Variants in ARMC3 observed in about 807,000 individuals in gnomAD.
ARMC3 encodes armadillo repeat-containing protein 3.
In ARMC3, 74 loss-of-function variants were observed where a neutral mutation model predicts 90.3. That is an observed-to-expected ratio of 0.82 (90% CI 0.68 to 0.99). ARMC3 has a LOEUF of 0.99. Among genes scored for constraint, ARMC3 ranks in the 50% least tolerant of loss-of-function variants. ARMC3 has a pLI of 0.00. For synonymous variants in ARMC3, 334 were observed against 361.8 expected (o/e 0.92, Z 0.87); for missense variants, 958 against 1,042.8 (o/e 0.92, Z 1.12).
At chr10:22,948,007 GT>G (rs1008883379) in intron 3 of ARMC3, among the ~76,000 whole-genome samples, 6 of 151,844 alleles carry the variant, frequency 4.0e-5, no homozygotes, top group African/African-American at 7.2e-5. Context: ...AACTAAACTG[GT>G]TTTTTTTAAT....
chr10:23,000,636 T>A (rs1837236010), intron 11 of ARMC3, among the ~76,000 whole-genome samples: 1 of 152,196 alleles, frequency 6.6e-6, no homozygotes, highest in African/African-American at 2.4e-5. Context: ...AAAGGACATG[T>A]GGTGTTAGAT....
rs1026929688 is a variant in ARMC3 at position 23,008,941 on chromosome 10, T to C, written c.2045+10T>C. ...AAGAAAAAGGATGGAGGTAAGAAAG[T>C]GTCCTGAGTTCCTCATTACCCAGCC... is the stretch of plus-strand genomic sequence containing the variant. On this transcript the variant is annotated intron_variant, in intron 16 of 18. Transcript: ENST00000298032. 1.9e-6 allele frequency: 3 copies of C among 1,608,332 alleles called. No individual in the cohort carries two copies.
Position 22,931,099 on chromosome 10 carries a change from T to C in ARMC3, c.-1-897T>C, listed in dbSNP as rs145920692. On this transcript the variant is annotated intron_variant, in intron 1 of 18. Coordinates refer to ENST00000298032, the MANE Select transcript of ARMC3 (RefSeq NM_173081.5). Reference sequence around the variant, plus strand: ...ACGTGCCACCACACCCGGCTAATTTTTGTATTTTTAGTAGAGACAGGATTT... The same window carrying C: ...ACGTGCCACCACACCCGGCTAATTTCTGTATTTTTAGTAGAGACAGGATTT... 3.0e-3 allele frequency among the ~76,000 whole-genome samples: 462 copies of C among 152,222 alleles called. 4 individuals are homozygous for C. The highest frequency in any genetic ancestry group is 0.01 in the African/African-American group (433 of 41,528).
intron 3 of ARMC3, among the ~76,000 whole-genome samples, chr10:22,948,168 G>A (rs184510493): frequency 1.3e-3 from 204 of 152,262 alleles, no homozygotes; most frequent in African/African-American, 4.7e-3. Flanking sequence ...TCATCATTGG[G>A]AATCCAGATG....
At chr10:22,961,838 T>G in intron 6 of ARMC3, 46 bp from the exon 7 acceptor site, 3 of 1,429,952 alleles carry the variant, frequency 2.1e-6, no homozygotes, top group Non-Finnish European at 2.8e-6. Context: ...TTCTTGAGGA[T>G]GTATTTTGCT....
At chr10:22,929,252 A>AAG (rs139581937) in intron 1 of ARMC3, among the ~76,000 whole-genome samples, 2,609 of 149,828 alleles carry the variant, frequency 0.017, 70 homozygotes, top group African/African-American at 0.058. Context: ...AAAAAAAGAG[A>AAG]AGAGAGAGAG....
At chr10:22,985,840 G>GT (rs1260344415) in intron 10 of ARMC3, among the ~76,000 whole-genome samples, 1 of 152,108 alleles carries the variant, frequency 6.6e-6, no homozygotes, top group African/African-American at 2.4e-5. Flanking sequence ...TTAGGTCATT[G>GT]TAGTGACACC....
At position 22,998,407 on chromosome 10, in the gene ARMC3, T is replaced by C. The variant is rs1314267057; in HGVS notation, c.1425+10T>C. On this transcript the variant is annotated intron_variant, in intron 11 of 18. Transcript: ENST00000298032. ...TGAAGCCCGGACTGAGGTGAGAATT[T>C]TAATAACATGTGTTCTCTCATTTTT... 6.2e-7 allele frequency: 1 copy of C among 1,613,412 alleles called. No individual in the cohort carries two copies. Among genetic ancestry groups the C allele is most frequent in the Non-Finnish European group, 8.5e-7 (1 of 1,179,672 alleles).
At chr10:22,977,984 A>G (rs752467692) in intron 8 of ARMC3, among the ~76,000 whole-genome samples, 1 of 152,286 alleles carries the variant, frequency 6.6e-6, no homozygotes, top group Non-Finnish European at 1.5e-5. Flanking sequence ...CCAGAACACA[A>G]TATTAGGGCA....
Position 23,030,792 on chromosome 10 carries a change from G to A in ARMC3, c.2242G>A (p.Ala748Thr). Residue 748 changes from alanine to threonine, a missense_variant, in exon 17 of 19, where the codon GCA becomes ACA. Ala to Thr is a moderately conservative substitution (Grantham distance 58). Transcript: ENST00000298032. The stretch of plus-strand genomic sequence containing the variant: ...TATTAAGGAACAGATTGAGGATCTG[G>A]CAAAGTAAGTTGTCTATGTATATAT... ...TNIKEQIEDL[A>T]KYVAEKMGGK... 1 of 1,613,250 alleles carries A rather than the reference G, an allele frequency of 6.2e-7. No individual in the cohort carries two copies. Among genetic ancestry groups the A allele is most frequent in the Non-Finnish European group, 8.5e-7 (1 of 1,179,560 alleles).
intron 16 of ARMC3, among the ~76,000 whole-genome samples, chr10:23,018,117 G>T (rs10764372): frequency 0.76 from 116,177 of 152,178 alleles, 44,933 homozygotes; most frequent in Non-Finnish European, 0.82. Context: ...AAAATGGAAA[G>T]GAACTAGCAG....
chr10:22,976,095 C>T (rs1283992935), intron 8 of ARMC3, among the ~76,000 whole-genome samples: 1 of 152,162 alleles, frequency 6.6e-6, no homozygotes, highest in Non-Finnish European at 1.5e-5. Context: ...CGCCAGAGTT[C>T]GATTCTCCTG....
intron 8 of ARMC3, among the ~76,000 whole-genome samples, chr10:22,973,114 C>A (rs563154369): frequency 1.6e-3 from 237 of 151,934 alleles, no homozygotes; most frequent in African/African-American, 5.4e-3. Context: ...GTCAACAGAG[C>A]AAGACCCCCC....
chr10:22,978,462 G>T (rs1447881070), intron 8 of ARMC3, among the ~76,000 whole-genome samples: 6 of 152,192 alleles, frequency 3.9e-5, no homozygotes, highest in Admixed American at 1.3e-4. Flanking sequence ...ATCACCACCT[G>T]TTCCCTCCCA....
chr10:23,015,757 T>C (rs1312293896), intron 16 of ARMC3, among the ~76,000 whole-genome samples: 4 of 152,192 alleles, frequency 2.6e-5, no homozygotes, highest in African/African-American at 9.6e-5. Context: ...TAACTTAAAC[T>C]GTTGTTGCTT....
chr10:23,030,825 T>G, intron 17 of ARMC3, 29 bp downstream of exon 17: 1 of 1,597,290 alleles, frequency 6.3e-7, no homozygotes, highest in South Asian at 1.1e-5. Flanking sequence ...TATGTGTTTT[T>G]AATTTCTGAA....
chr10:22,941,536 T>G (rs9665603), intron 2 of ARMC3, among the ~76,000 whole-genome samples: 56,762 of 151,992 alleles, frequency 0.37, 12,194 homozygotes, highest in African/African-American at 0.59. Flanking sequence ...TAATGTGCTA[T>G]TCTTAGCGTC....
At chr10:22,938,761 AAAAATAAC>A (rs1301237646) in intron 2 of ARMC3, among the ~76,000 whole-genome samples, 1 of 152,198 alleles carries the variant, frequency 6.6e-6, no homozygotes, top group African/African-American at 2.4e-5. Context: ...TTAAATTCAG[AAAAATAAC>A]AGCTGTGGAA....
At chr10:22,940,227 T>A (rs1834272967) in intron 2 of ARMC3, among the ~76,000 whole-genome samples, 1 of 152,224 alleles carries the variant, frequency 6.6e-6, no homozygotes, top group South Asian at 2.1e-4. Flanking sequence ...TTTTTAATGG[T>A]CCTAAGTGTT....
Sources: gnomAD v4.1 joint callset for allele counts (sites outside exome capture counted in the v4.1 genomes callset) on GRCh38, gnomAD v4.1.1 for gene constraint, MANE v1.5 for transcripts, NCBI Gene and HGNC (gene_info 2026-07-23, HGNC 2026-07-21) for gene names.